The following DST variants were observed in gnomAD, a reference collection of about 807,000 sequenced individuals.
DST encodes dystonin, also known as bullous pemphigoid antigen.
Under a neutral mutation model 875.2 loss-of-function variants are expected in DST, and 253 were observed. The ratio of observed to expected loss-of-function variants is 0.29; its 90% CI spans 0.26 to 0.32. The LOEUF (loss-of-function observed/expected upper bound fraction) is 0.32. Ranked by LOEUF, DST falls within the 10% of genes least tolerant of loss-of-function variation. The pLI, the probability that DST is intolerant of heterozygous loss-of-function variation, is 1.00. For synonymous variants in DST, 3,124 were observed against 3,197.1 expected, an observed-to-expected ratio of 0.98 and a Z score of 0.77; for missense variants, 8,287 against 9,111.6, an observed-to-expected ratio of 0.91 and a Z score of 3.68.
chr6:56,591,981 C>CAAAA (rs34682914), intron 49 of DST, among the ~76,000 whole-genome samples: 48 of 63,750 alleles, frequency 7.5e-4, no homozygotes, highest in Non-Finnish European at 9.5e-4. Context: ...GACTCCATCT[C>CAAAA]AAAAAAAAAA....
At chr6:56,645,351 A>G (rs2098936208) in intron 15 of DST, among the ~76,000 whole-genome samples, 1 of 152,206 alleles carries the variant, frequency 6.6e-6, no homozygotes, top group African/African-American at 2.4e-5. Context: ...AGAACTAGTG[A>G]TGATTTCATG....
At chr6:56,740,210 ACCCTG>A (rs1260465161) in intron 4 of DST, among the ~76,000 whole-genome samples, 80 of 152,154 alleles carry the variant, frequency 5.3e-4, no homozygotes, top group African/African-American at 1.9e-3. Context: ...CTGTGGACTC[ACCCTG>A]AATTCTCTCT....
chr6:56,798,821 A>G (rs1003963730), intron 4 of DST, among the ~76,000 whole-genome samples: 3 of 152,214 alleles, frequency 2.0e-5, no homozygotes, highest in African/African-American at 7.2e-5. Context: ...AGGTCAAAAT[A>G]TCAATATTAA....
chr6:56,467,280 T>G (rs1232710666), intron 98 of DST: 2 of 152,052 alleles, frequency 1.3e-5, no homozygotes, highest in African/African-American at 4.8e-5. Flanking sequence ...TAGAAAAAAA[T>G]CTGCTACTTT....
intron 5 of DST, among the ~76,000 whole-genome samples, chr6:56,728,556 A>C (rs2099480480): frequency 6.6e-6 from 1 of 152,098 alleles, no homozygotes; most frequent in Non-Finnish European, 1.5e-5. Flanking sequence ...CATGCCTGTA[A>C]TCCCAGCTGC....
chr6:56,657,242 T>C (rs771530725), intron 10 of DST, among the ~76,000 whole-genome samples: 1 of 152,160 alleles, frequency 6.6e-6, no homozygotes, highest in Non-Finnish European at 1.5e-5. Context: ...TACTGCCTTA[T>C]GCCCTCAGCA....
In DST at chr6:56,629,416, T is replaced by C; in HGVS notation, c.4309A>G (p.Arg1437Gly). 6.2e-7 allele frequency: 1 copy of C among 1,613,474 alleles called. No individual in the cohort carries two copies. The highest frequency in any genetic ancestry group is 8.5e-7 in the Non-Finnish European group (1 of 1,179,608). Residue 1437 changes from arginine to glycine, a missense_variant, in exon 32 of 104, where the codon AGA becomes GGA. Around this residue, in one of 10 missense-constraint regions of DST, gnomAD observed 3,138 missense variants for 3,116.6 expected, o/e 1.01. Transcript: ENST00000680361. ...TCCTCTAAGGCATGGAATACCTGTC[T>C]CTTTTCATCTACTTCAGATCTCCAT... ...KQWRSEVDEK[R>G]QVFHALEDEL...
chr6:56,773,141 A>T (rs758042647), intron 4 of DST, among the ~76,000 whole-genome samples: 5 of 152,096 alleles, frequency 3.3e-5, no homozygotes, highest in Non-Finnish European at 7.4e-5. Context: ...GGAGACCCTG[A>T]GCCTAAAACA....
At chr6:56,821,919 C>T (rs1038393538) in intron 4 of DST, among the ~76,000 whole-genome samples, 3 of 152,174 alleles carry the variant, frequency 2.0e-5, no homozygotes, top group Non-Finnish European at 4.4e-5. Flanking sequence ...TCCAGAGCTT[C>T]CATCCAAGTC....
At chr6:56,927,368 G>C (rs886162685) in intron 2 of DST, among the ~76,000 whole-genome samples, 8 of 152,116 alleles carry the variant, frequency 5.3e-5, no homozygotes, top group African/African-American at 1.9e-4. Flanking sequence ...AATTTTTCCA[G>C]AGATTAGCAA....
At position 56,781,529 on chromosome 6, in the gene DST, T is replaced by C. The variant is rs527590736; in HGVS notation, c.626-46240A>G. On this transcript the variant is annotated intron_variant, in intron 4 of 103. Transcript: ENST00000680361. Reference sequence around the variant, plus strand: ...CATGATTTGGCTCTCTGTTTGTCTGTTATTGGTGTACAAGAATGCTTGTGA... The same window carrying C: ...CATGATTTGGCTCTCTGTTTGTCTGCTATTGGTGTACAAGAATGCTTGTGA... Among the ~76,000 whole-genome samples the C allele has an allele frequency of 3.4e-3, 517 of 152,288 alleles. 4 individuals are homozygous for C. The highest frequency in any genetic ancestry group is 0.012 in the African/African-American group (502 of 41,560).
intron 5 of DST, among the ~76,000 whole-genome samples, chr6:56,709,419 C>A (rs1316040686): frequency 6.6e-6 from 1 of 152,074 alleles, no homozygotes. Context: ...CTTTTGTTAA[C>A]CTATAACTGT....
intron 85 of DST, among the ~76,000 whole-genome samples, 155 bp from the exon 86 acceptor site, chr6:56,489,764 AG>A (rs2095674819): frequency 6.6e-6 from 1 of 152,196 alleles, no homozygotes; most frequent in Admixed American, 6.5e-5. Flanking sequence ...TGCTTTCATC[AG>A]CAAATTACAA....
At chr6:56,528,765 T>C (rs1222170317) in intron 67 of DST, 76 bp downstream of exon 67, 1 of 1,105,010 alleles carries the variant, frequency 9.0e-7, no homozygotes, top group African/African-American at 1.6e-5. Flanking sequence ...GTTTTGGTTT[T>C]TTCCCATCCC....
intron 43 of DST, 37 bp from the exon 44 acceptor site, chr6:56,601,713 T>G: frequency 8.3e-7 from 1 of 1,203,304 alleles, no homozygotes; most frequent in South Asian, 1.5e-5. Context: ...AGTAGAAAGT[T>G]AAGCCATGAT....
At chr6:56,843,312 C>T in intron 4 of DST, 1 of 1,228,032 alleles carries the variant, frequency 8.1e-7, no homozygotes, top group East Asian at 3.2e-5. Flanking sequence ...GCGCAGGGGG[C>T]TGCCGGCGCC....
At chr6:56,493,957 A>G in intron 83 of DST, 53 bp downstream of exon 83, 3 of 1,405,852 alleles carry the variant, frequency 2.1e-6, no homozygotes, top group Non-Finnish European at 2.8e-6. Flanking sequence ...GGCCAAGTCC[A>G]AGACATGAAA....
At chr6:56,943,215 G>A (rs765159662) in intron 2 of DST, among the ~76,000 whole-genome samples, 5 of 152,084 alleles carry the variant, frequency 3.3e-5, no homozygotes, top group Admixed American at 6.6e-5. Flanking sequence ...TAATGTGACT[G>A]TAAGTAAAAC....
At chr6:56,724,946 T>C (rs1222014127) in intron 5 of DST, among the ~76,000 whole-genome samples, 2 of 151,610 alleles carry the variant, frequency 1.3e-5, no homozygotes, top group East Asian at 1.9e-4. Context: ...TCTATAGATA[T>C]AAAGATATAT....
Sources: gnomAD v4.1 joint callset for allele counts (sites outside exome capture counted in the v4.1 genomes callset) on GRCh38, gnomAD v4.1.1 for gene constraint, gnomAD v4.1.1 regional missense constraint, MANE v1.5 for transcripts, NCBI Gene and HGNC (gene_info 2026-07-23, HGNC 2026-07-21) for gene names.